Variants in KIF26B observed in about 807,000 individuals in gnomAD.
KIF26B encodes the protein kinesin-like protein KIF26B.
In KIF26B, 63 loss-of-function variants were observed where a neutral mutation model predicts 151.2. The ratio of observed to expected loss-of-function variants is 0.42; its 90% CI spans 0.34 to 0.51. The LOEUF (loss-of-function observed/expected upper bound fraction) is 0.51, where lower values mean the gene tolerates loss of function less well. Among genes scored for constraint, KIF26B ranks in the 20% least tolerant of loss-of-function variants. The pLI is 0.07. For synonymous variants in KIF26B, 1,357 were observed against 1,262.1 expected (o/e 1.08, Z -1.59); for missense variants, 2,813 against 2,913.6 (o/e 0.97, Z 0.79).
chr1:245,688,152 C>A lies in KIF26B; in HGVS notation c.5169C>A (p.Ala1723=). The change falls in exon 12 of 15, where the codon GCC becomes GCA. Residue 1723 remains alanine, a synonymous_variant. Transcript: ENST00000407071. ...SAGTSPPSSG[A]SPKAGQSKIS... is the part of the protein sequence containing the mutation. ...GGACCTCGCCCCCCAGCTCCGGGGC[C>A]TCGCCCAAGGCCGGCCAGTCCAAGA... is the stretch of plus-strand genomic sequence containing the variant. The A allele has an allele frequency of 6.3e-7, 1 of 1,595,684 alleles. No homozygotes were observed. Among genetic ancestry groups the A allele is most frequent in the Non-Finnish European group, 8.5e-7 (1 of 1,177,454 alleles).
At chr1:245,420,472 G>T (rs975299728) in intron 4 of KIF26B, among the ~76,000 whole-genome samples, 2 of 152,190 alleles carry the variant, frequency 1.3e-5, no homozygotes, top group African/African-American at 4.8e-5. Flanking sequence ...TTATAGCACA[G>T]CCAGAAATAG....
intron 2 of KIF26B, among the ~76,000 whole-genome samples, chr1:245,178,823 A>G (rs1415142298): frequency 1.3e-5 from 2 of 152,192 alleles, no homozygotes; most frequent in Non-Finnish European, 2.9e-5. Context: ...TGCCACATGC[A>G]GTGTCTGAGT....
chr1:245,252,887 T>G (rs765377399), intron 2 of KIF26B, among the ~76,000 whole-genome samples: 4 of 152,176 alleles, frequency 2.6e-5, no homozygotes, highest in Non-Finnish European at 5.9e-5. Context: ...TGGGTACACA[T>G]GCTTTATCAA....
intron 2 of KIF26B, among the ~76,000 whole-genome samples, chr1:245,208,912 C>T (rs1422536972): frequency 1.3e-5 from 2 of 152,176 alleles, no homozygotes; most frequent in Non-Finnish European, 2.9e-5. Flanking sequence ...TCTGTTTAAA[C>T]ACTGTGTGGC....
intron 2 of KIF26B, among the ~76,000 whole-genome samples, chr1:245,278,377 AG>A (rs1220390199): frequency 6.6e-6 from 1 of 152,158 alleles, no homozygotes; most frequent in African/African-American, 2.4e-5. Context: ...GACATTATTA[AG>A]TATACCCTTT....
intron 4 of KIF26B, among the ~76,000 whole-genome samples, chr1:245,505,531 C>G (rs1312402892): frequency 2.0e-5 from 3 of 151,852 alleles, no homozygotes; most frequent in Non-Finnish European, 4.4e-5. Context: ...TTTACAGGTG[C>G]CTGCAACCAC....
At chr1:245,535,757 A>C (rs1380070459) in intron 4 of KIF26B, among the ~76,000 whole-genome samples, 1 of 152,218 alleles carries the variant, frequency 6.6e-6, no homozygotes, top group Non-Finnish European at 1.5e-5. Flanking sequence ...ATTCAGATAC[A>C]ATACGGTACA....
chr1:245,407,153 T>C (rs1009754879), intron 3 of KIF26B, among the ~76,000 whole-genome samples: 16 of 152,180 alleles, frequency 1.1e-4, no homozygotes, highest in African/African-American at 3.9e-4. Context: ...GTCTTTAAAT[T>C]TGTCAGTTTG....
intron 4 of KIF26B, among the ~76,000 whole-genome samples, chr1:245,490,321 T>C (rs1660379168): frequency 6.8e-6 from 1 of 146,674 alleles, no homozygotes; most frequent in Non-Finnish European, 1.5e-5. Flanking sequence ...TTTTTTTTTT[T>C]TTTTTTTTTG....
intron 2 of KIF26B, among the ~76,000 whole-genome samples, chr1:245,248,516 T>G (rs1670378204): frequency 6.6e-6 from 1 of 152,210 alleles, no homozygotes; most frequent in Non-Finnish European, 1.5e-5. Context: ...CCAAATCCAC[T>G]AACTATTAAT....
chr1:245,181,337 G>A (rs761600202), intron 2 of KIF26B, among the ~76,000 whole-genome samples: 1 of 152,060 alleles, frequency 6.6e-6, no homozygotes, highest in African/African-American at 2.4e-5. Context: ...GGCAGCCTTG[G>A]TGTAGAGGAT....
chr1:245,674,718 A>G (rs560755384), intron 10 of KIF26B, among the ~76,000 whole-genome samples: 7 of 152,174 alleles, frequency 4.6e-5, no homozygotes, highest in Non-Finnish European at 7.3e-5. Flanking sequence ...CCTAGAGCTA[A>G]TAAGTTGTAC....
chr1:245,175,950 ATATC>A, intron 2 of KIF26B, among the ~76,000 whole-genome samples: 1 of 124,778 alleles, frequency 8.0e-6, no homozygotes, highest in East Asian at 2.0e-4. Flanking sequence ...ATATATATAG[ATATC>A]TATATCTATA....
At chr1:245,322,901 G>A (rs946790007) in intron 2 of KIF26B, among the ~76,000 whole-genome samples, 19 of 152,308 alleles carry the variant, frequency 1.2e-4, no homozygotes, top group African/African-American at 4.6e-4. Context: ...TTAGGTGGCA[G>A]CATAGTCTAG....
intron 2 of KIF26B, among the ~76,000 whole-genome samples, chr1:245,334,328 G>A (rs1041191805): frequency 6.6e-6 from 1 of 152,174 alleles, no homozygotes; most frequent in East Asian, 1.9e-4. Flanking sequence ...GAAAATGTTC[G>A]TTCCTGGTGT....
chr1:245,652,905 G>C (rs553602308), intron 10 of KIF26B, among the ~76,000 whole-genome samples: 2 of 152,144 alleles, frequency 1.3e-5, no homozygotes, highest in African/African-American at 4.8e-5. Context: ...TGATGGTCTC[G>C]GGGCTGGGTA....
Position 245,250,459 on chromosome 1 carries a change from G to A in KIF26B, c.465+93776G>A, listed in dbSNP as rs557522110. 2.2e-4 allele frequency among the ~76,000 whole-genome samples: 33 copies of A among 152,202 alleles called. No homozygotes were observed. In the South Asian group the frequency reaches 6.2e-3, roughly 29 times the overall value. On this transcript the variant is annotated intron_variant, in intron 2 of 14. Transcript: ENST00000407071. ...TCCTGTGATGGACACTGTTACAAGC[G>A]GTGCTATAATAAACTTGTGCAAGTA...
chr1:245,511,850 A>ACTT (rs1279432589), intron 4 of KIF26B, among the ~76,000 whole-genome samples: 1 of 152,226 alleles, frequency 6.6e-6, no homozygotes, highest in Non-Finnish European at 1.5e-5. Context: ...AAAACAAGTC[A>ACTT]CTTGAAGACC....
intron 10 of KIF26B, among the ~76,000 whole-genome samples, chr1:245,660,207 G>C (rs954593671): frequency 1.8e-5 from 1 of 56,040 alleles, no homozygotes; most frequent in Non-Finnish European, 3.6e-5. Flanking sequence ...CCCAAAGCTT[G>C]AATTACTGAA....
Sources: gnomAD v4.1 joint callset for allele counts (sites outside exome capture counted in the v4.1 genomes callset) on GRCh38, gnomAD v4.1.1 for gene constraint, MANE v1.5 for transcripts, NCBI Gene and HGNC (gene_info 2026-07-23, HGNC 2026-07-21) for gene names.